PKD1L1: variants seen among roughly 807,000 people sequenced by gnomAD.
PKD1L1 encodes polycystin-1-like protein 1.
PKD1L1 carries 236 observed loss-of-function variants against 323.4 expected under a neutral mutation model. The ratio of observed to expected loss-of-function variants is 0.73; its 90% CI spans 0.66 to 0.81. The LOEUF is 0.81. PKD1L1 is among the 40% of genes least tolerant of loss of function. The probability of loss-of-function intolerance (pLI) is 0.00; values close to 1 mark genes in which losing one functional copy is unlikely to be tolerated. For missense variants in PKD1L1, 3,320 were observed against 3,508.0 expected (o/e 0.95, Z 1.35); for synonymous variants, 1,344 against 1,335.0 (o/e 1.01, Z -0.15).
At chr7:47,856,082 G>C (rs1785898173) in intron 28 of PKD1L1, among the ~76,000 whole-genome samples, 1 of 151,932 alleles carries the variant, frequency 6.6e-6, no homozygotes, top group South Asian at 2.1e-4. Flanking sequence ...CTGTCGCCCA[G>C]GCTGGAGTGC....
In PKD1L1 at chr7:47,904,408, C is replaced by T; in HGVS notation, c.1901G>A (p.Gly634Glu). 3 of 1,614,090 alleles carry T rather than the reference C, an allele frequency of 1.9e-6. No individual in the cohort carries two copies. Among genetic ancestry groups the T allele is most frequent in the Non-Finnish European group, 2.5e-6 (3 of 1,180,018 alleles). The change falls in exon 12 of 57, where the codon GGG becomes GAG. Residue 634 changes from glycine (G) to glutamate (E), a missense_variant. Transcript: ENST00000289672. Reference sequence around the variant, plus strand: ...GTAGACATGGCTGCTGGAGCTGCTCCCCAGGCTGACGGTGCCATCCCCAAA... The same window carrying T: ...GTAGACATGGCTGCTGGAGCTGCTCTCCAGGCTGACGGTGCCATCCCCAAA... ...WDFGDGTVSLGSSSSSHVYSR... is the reference protein window; with the variant it reads ...WDFGDGTVSLESSSSSHVYSR...
At chr7:47,832,786 C>T (rs1785374700) in intron 41 of PKD1L1, among the ~76,000 whole-genome samples, 2 of 152,244 alleles carry the variant, frequency 1.3e-5, no homozygotes. Flanking sequence ...CTATCGTTCA[C>T]TGTCATTAGC....
chr7:47,895,537 T>C (rs1407504874), intron 14 of PKD1L1, among the ~76,000 whole-genome samples: 2 of 152,184 alleles, frequency 1.3e-5, no homozygotes, highest in African/African-American at 4.8e-5. Flanking sequence ...TTCAGTTGAA[T>C]GCATTATCAC....
chr7:47,912,252 G>C (rs1451332947), intron 8 of PKD1L1, among the ~76,000 whole-genome samples: 2 of 151,996 alleles, frequency 1.3e-5, no homozygotes, highest in African/African-American at 4.8e-5. Context: ...CAAAAGAAGG[G>C]ATGCAGAGGA....
chr7:47,892,834 C>A (rs1786850358), intron 15 of PKD1L1, among the ~76,000 whole-genome samples: 1 of 151,990 alleles, frequency 6.6e-6, no homozygotes, highest in African/African-American at 2.4e-5. Flanking sequence ...CAGCTCAAAC[C>A]ACAATGTACC....
the PKD1L1 span, among the ~76,000 whole-genome samples, chr7:47,960,432 C>T: frequency 8.1e-6 from 1 of 124,066 alleles, no homozygotes; most frequent in East Asian, 2.6e-4. Context: ...ATATTTACAG[C>T]TGTAATATCA....
chr7:47,865,442 T>C (rs1350124027), intron 25 of PKD1L1, among the ~76,000 whole-genome samples, 170 bp from the exon 26 acceptor site: 1 of 152,150 alleles, frequency 6.6e-6, no homozygotes, highest in Non-Finnish European at 1.5e-5. Context: ...ATTACTGTTG[T>C]CTCTGGTTTT....
chr7:47,873,856 A>G (rs1786340418), intron 24 of PKD1L1, 43 bp downstream of exon 24: 12 of 1,483,594 alleles, frequency 8.1e-6, no homozygotes, highest in Non-Finnish European at 1.1e-5. Flanking sequence ...TGGAAGAAAT[A>G]CAAATAATGG....
chr7:47,792,230 C>T (rs1172862742), intron 56 of PKD1L1, among the ~76,000 whole-genome samples: 1 of 152,154 alleles, frequency 6.6e-6, no homozygotes, highest in Non-Finnish European at 1.5e-5. Flanking sequence ...ATGGTAGCAT[C>T]CTTTCTCCTT....
intron 45 of PKD1L1, among the ~76,000 whole-genome samples, chr7:47,821,706 T>G (rs80207856): frequency 6.6e-6 from 1 of 151,338 alleles, no homozygotes; most frequent in Non-Finnish European, 1.5e-5. Context: ...TTTTTTTTTT[T>G]TGAGGCAATC....
At chr7:47,881,811 T>A in intron 20 of PKD1L1, 98 bp downstream of exon 20, 1 of 1,187,442 alleles carries the variant, frequency 8.4e-7, no homozygotes, top group Non-Finnish European at 1.2e-6. Context: ...TTCTAAATAC[T>A]TATCTAGTAA....
chr7:47,794,173 A>G (rs1214624449), intron 55 of PKD1L1, among the ~76,000 whole-genome samples: 1 of 152,202 alleles, frequency 6.6e-6, no homozygotes, highest in African/African-American at 2.4e-5. Flanking sequence ...AAATTTGCAT[A>G]AGTAGCAAGC....
At chr7:47,798,272 A>T (rs1390941977) in intron 54 of PKD1L1, among the ~76,000 whole-genome samples, 1 of 152,218 alleles carries the variant, frequency 6.6e-6, no homozygotes, top group Non-Finnish European at 1.5e-5. Context: ...ATCCACACAG[A>T]TACAGTCAAT....
At chr7:47,782,573 A>G (rs755795455) in intron 56 of PKD1L1, among the ~76,000 whole-genome samples, 9 of 152,190 alleles carry the variant, frequency 5.9e-5, no homozygotes, top group Non-Finnish European at 8.8e-5. Context: ...GATTTGTATA[A>G]CCTCATTCTA....
Position 47,885,902 on chromosome 7 carries a change from G to A in PKD1L1, c.2989C>T (p.Leu997Phe). The change falls in exon 18 of 57, where the codon CTT (leucine) becomes TTT (phenylalanine). Residue 997 changes from leucine (L) to phenylalanine (F), a missense_variant. By Grantham distance (22) the Leu-to-Phe change is conservative. Transcript: ENST00000289672. The part of the protein sequence containing the change: ...PFSREPSPVT[L>F]GQPATSAPRG... The stretch of plus-strand genomic sequence containing the variant: ...GGAGCTGAAGTGGCAGGTTGGCCAA[G>A]GGTCACGGGTGAAGGTTCCCGTGAG... 6.2e-7 allele frequency: 1 copy of A among 1,614,188 alleles called. No individual in the cohort carries two copies. The highest frequency in any genetic ancestry group is 1.3e-5 in the African/African-American group (1 of 75,050).
At chr7:47,944,443 A>C (rs1199402604) in intron 1 of PKD1L1, among the ~76,000 whole-genome samples, 1 of 152,200 alleles carries the variant, frequency 6.6e-6, no homozygotes, top group Non-Finnish European at 1.5e-5. Flanking sequence ...GTATTTCTTT[A>C]TAGCAATGCA....
chr7:47,800,272 G>A (rs941343912), intron 54 of PKD1L1, among the ~76,000 whole-genome samples: 1 of 152,240 alleles, frequency 6.6e-6, no homozygotes, highest in Non-Finnish European at 1.5e-5. Flanking sequence ...GCTGATGGGA[G>A]TGCAACTCTG....
At chr7:47,892,122 T>G (rs1417029310) in intron 15 of PKD1L1, among the ~76,000 whole-genome samples, 1 of 152,176 alleles carries the variant, frequency 6.6e-6, no homozygotes, top group Non-Finnish European at 1.5e-5. Flanking sequence ...CCATAGTAAG[T>G]GAGCAAAGGC....
chr7:47,800,622 T>G, intron 54 of PKD1L1, 27 bp downstream of exon 54: 1 of 1,604,832 alleles, frequency 6.2e-7, no homozygotes, highest in Non-Finnish European at 8.5e-7. Context: ...AAACCATAAC[T>G]TGAAAGTTGG....
Sources: allele counts gnomAD v4.1 joint callset (sites outside exome capture counted in the v4.1 genomes callset), GRCh38; gene constraint gnomAD v4.1.1; transcripts MANE v1.5; gene names NCBI Gene and HGNC (gene_info 2026-07-23, HGNC 2026-07-21).